Variants in ORMDL1 observed in about 807,000 individuals in gnomAD.
ORMDL1 encodes ORMDL sphingolipid biosynthesis regulator 1.
A neutral mutation model predicts 13.0 loss-of-function variants in ORMDL1; 10 were observed. The ratio of observed to expected loss-of-function variants is 0.77; its 90% confidence interval spans 0.47 to 1.30. The LOEUF is 1.30. ORMDL1 is among the 50% of genes most tolerant of loss of function. ORMDL1 has a pLI of 0.00. For missense variants in ORMDL1, 171 were observed against 186.7 expected, an observed-to-expected ratio of 0.92 and a Z score of 0.49; for synonymous variants, 61 against 63.9, an observed-to-expected ratio of 0.95 and a Z score of 0.22.
chr2:189,769,558 C>T (rs371611638), downstream of ORMDL1, among the ~76,000 whole-genome samples: 36 of 152,090 alleles, frequency 2.4e-4, no homozygotes, highest in African/African-American at 8.2e-4. Context: ...ACACCATAAA[C>T]CTAGAAAAAG....
rs1227932740 is a variant in ORMDL1, at chr2:189,782,528, C to A, written c.68G>T (p.Trp23Leu). The A allele has an allele frequency of 6.2e-7, 1 of 1,614,160 alleles. No homozygotes were observed. Among genetic ancestry groups the A allele is most frequent in the Non-Finnish European group, 8.5e-7 (1 of 1,180,016 alleles). The change falls in exon 3 of 5, where the codon TGG becomes TTG. Residue 23 changes from tryptophan to leucine, a missense_variant. Transcript: ENST00000392349. ...NTRVMNSRGMWLTYALGVGLL... is the reference protein window; with the variant it reads ...NTRVMNSRGMLLTYALGVGLL... ...GCCAACTCCCAATGCATATGTCAGC[C>A]ACATACCCCGGCTGTTCATGACACG...
Position 189,771,750 on chromosome 2 carries a change from T to C in ORMDL1, c.*17A>G. The C allele has an allele frequency of 6.4e-7, 1 of 1,573,068 alleles. No individual in the cohort carries two copies. Among genetic ancestry groups the C allele is most frequent in the Non-Finnish European group, 8.6e-7 (1 of 1,165,862 alleles). On this transcript the variant is annotated 3_prime_UTR_variant, in exon 5 of 5. Transcript: ENST00000392349. Reference sequence around the variant, plus strand: ...AAATTCAGTAGCTGTAAAATTTTTTTTCAGTTTCAAAACATTTCAATACTT... The same window carrying C: ...AAATTCAGTAGCTGTAAAATTTTTTCTCAGTTTCAAAACATTTCAATACTT...
At chr2:189,765,298 A>T (rs557734522), downstream of ORMDL1, 1 of 152,368 alleles carries the variant, frequency 6.6e-6, no homozygotes, top group East Asian at 1.9e-4. Flanking sequence ...GTCTACAGGC[A>T]GAAGACAAAA....
chr2:189,771,841 A>C lies in ORMDL1; in HGVS notation c.388T>G (p.Ser130Ala). 6.2e-7 allele frequency: 1 copy of C among 1,610,660 alleles called. No homozygotes were observed. The change falls in exon 5 of 5, where the codon TCT (serine) becomes GCT (alanine). Residue 130 changes from serine (S) to alanine (A), a missense_variant. Transcript: ENST00000392349. ...DPTHFILNTASLLSVLIPKMP... is the reference protein window; with the variant it reads ...DPTHFILNTAALLSVLIPKMP... ...TTGGGAATTAGTACACTCAGGAGAG[A>C]AGCTGTGTTTAGGATGAAGTGAGTT...
At chr2:189,781,180 C>T (rs1162524474) in intron 3 of ORMDL1, among the ~76,000 whole-genome samples, 2 of 152,134 alleles carry the variant, frequency 1.3e-5, no homozygotes, top group Admixed American at 6.5e-5. Context: ...ACCTCAGCCT[C>T]CCAAAGCACT....
chr2:189,778,987 T>C (rs1239835045), intron 3 of ORMDL1, among the ~76,000 whole-genome samples: 1 of 152,100 alleles, frequency 6.6e-6, no homozygotes, highest in Non-Finnish European at 1.5e-5. Flanking sequence ...AGTTTGAGAC[T>C]AGACTGGGTA....
downstream of ORMDL1, among the ~76,000 whole-genome samples, chr2:189,769,723 A>C (rs141549653): frequency 1.8e-4 from 27 of 152,306 alleles, no homozygotes; most frequent in South Asian, 1.5e-3. Context: ...TAATAAGTAA[A>C]TAAAGAAGGG....
intron 2 of ORMDL1, 82 bp from the exon 3 acceptor site, chr2:189,782,684 G>A (rs1309647832): frequency 7.7e-7 from 1 of 1,292,596 alleles, no homozygotes; most frequent in African/African-American, 1.5e-5. Flanking sequence ...AGGTACCTGT[G>A]TTGCGAGGAT....
At chr2:189,772,467 G>T (rs2047600483) in intron 4 of ORMDL1, among the ~76,000 whole-genome samples, 1 of 152,164 alleles carries the variant, frequency 6.6e-6, no homozygotes, top group African/African-American at 2.4e-5. Context: ...AGACACTGTT[G>T]TACCATTCCA....
At chr2:189,780,173 G>A (rs767013093) in intron 3 of ORMDL1, among the ~76,000 whole-genome samples, 1 of 151,912 alleles carries the variant, frequency 6.6e-6, no homozygotes. Context: ...ATTTTATATA[G>A]TATCTTTAAT....
chr2:189,773,488 A>G (rs1351027887), intron 4 of ORMDL1, among the ~76,000 whole-genome samples: 2 of 152,122 alleles, frequency 1.3e-5, no homozygotes, highest in African/African-American at 4.8e-5. Context: ...TTGGGAGGCC[A>G]AGGCAGGCGG....
chr2:189,779,008 A>G (rs1350639212), intron 3 of ORMDL1, among the ~76,000 whole-genome samples: 1 of 151,812 alleles, frequency 6.6e-6, no homozygotes, highest in Non-Finnish European at 1.5e-5. Flanking sequence ...ACACAGCAAG[A>G]CCCCCATCTC....
At chr2:189,778,934 C>T (rs1268437635) in intron 3 of ORMDL1, among the ~76,000 whole-genome samples, 2 of 151,918 alleles carry the variant, frequency 1.3e-5, no homozygotes, top group African/African-American at 4.8e-5. Context: ...ATGGCTCACT[C>T]ATGCTTTGGG....
downstream of ORMDL1, among the ~76,000 whole-genome samples, chr2:189,769,394 C>CAA (rs11375753): frequency 7.0e-3 from 1,045 of 148,546 alleles, 11 homozygotes; most frequent in African/African-American, 0.021. Flanking sequence ...CCAGCCATCT[C>CAA]AAAAAAAAAA....
At chr2:189,768,541 T>C (rs1047357145), downstream of ORMDL1, among the ~76,000 whole-genome samples, 7 of 152,228 alleles carry the variant, frequency 4.6e-5, no homozygotes, top group African/African-American at 7.2e-5. Context: ...TGGAGTTCTA[T>C]AGGAAAAATG....
downstream of ORMDL1, among the ~76,000 whole-genome samples, chr2:189,768,023 T>C (rs2106134431): frequency 6.6e-6 from 1 of 152,350 alleles, no homozygotes. Context: ...TTTGTAGCTA[T>C]ATGAAAATTT....
chr2:189,772,991 TCTTC>T (rs2047612600), intron 4 of ORMDL1, among the ~76,000 whole-genome samples: 1 of 152,212 alleles, frequency 6.6e-6, no homozygotes, highest in South Asian at 2.1e-4. Flanking sequence ...TGAAATTCTT[TCTTC>T]CTGTTTTCAT....
At chr2:189,783,383 A>G (rs1480149319) in intron 1 of ORMDL1, 1 of 152,246 alleles carries the variant, frequency 6.6e-6, no homozygotes, top group Non-Finnish European at 1.5e-5. Flanking sequence ...TGCTTAAAAT[A>G]AAACTGTCCT....
rs1326688676 is a variant in ORMDL1, at chr2:189,770,906, T to C, written c.*861A>G. The stretch of plus-strand genomic sequence containing the variant: ...AGGTTGGCTATATGGTTGTTCCTTT[T>C]ATATTTCCTTTTTCAAATGATGACA... On this transcript the variant is annotated 3_prime_UTR_variant, in exon 5 of 5. Transcript: ENST00000392349. The C allele has an allele frequency of 6.6e-6, 1 of 152,232 alleles. No individual in the cohort carries two copies. Among genetic ancestry groups the C allele is most frequent in the Non-Finnish European group, 1.5e-5 (1 of 68,024 alleles). The allele number at this position is 152,232 out of a possible 1,614,324, so 9.4% of individuals were successfully genotyped here. A position where few individuals can be genotyped will look rare whatever the true frequency, so the allele number is the denominator to read the frequency against.
Sources: gnomAD v4.1 joint callset for allele counts (sites outside exome capture counted in the v4.1 genomes callset) on GRCh38, gnomAD v4.1.1 for gene constraint, MANE v1.5 for transcripts, NCBI Gene and HGNC (gene_info 2026-07-23, HGNC 2026-07-21) for gene names.